XIRP2: variants seen among roughly 807,000 people sequenced by gnomAD.
XIRP2 encodes the protein xin actin-binding repeat-containing protein 2.
In XIRP2, 236 loss-of-function variants were observed where a neutral mutation model predicts 277.0. The ratio of observed to expected loss-of-function variants is 0.85; its 90% CI spans 0.77 to 0.95. The LOEUF (loss-of-function observed/expected upper bound fraction) is 0.95, where lower values mean the gene tolerates loss of function less well. XIRP2 is among the 40% of genes least tolerant of loss of function. The pLI is 0.00. For missense variants in XIRP2, 4,640 were observed against 4,157.5 expected (o/e 1.12, Z -3.19); for synonymous variants, 1,490 against 1,416.5 (o/e 1.05, Z -1.17).
At chr2:167,023,817 C>T (rs1363682163) in intron 2 of XIRP2, among the ~76,000 whole-genome samples, 4 of 152,014 alleles carry the variant, frequency 2.6e-5, no homozygotes, top group African/African-American at 9.7e-5. Context: ...TGATCTATAT[C>T]TCTGTTTTGG....
chr2:167,099,439 G>T (rs2105284284), intron 2 of XIRP2, among the ~76,000 whole-genome samples: 1 of 152,298 alleles, frequency 6.6e-6, no homozygotes. Context: ...ATCTTAACTT[G>T]CTGGGCTCTG....
chr2:166,957,618 G>A (rs1024078639), intron 2 of XIRP2, among the ~76,000 whole-genome samples: 7 of 151,666 alleles, frequency 4.6e-5, no homozygotes, highest in African/African-American at 1.7e-4. Context: ...ACTTTTTAAA[G>A]CAATTATACT....
chr2:167,106,737 A>G (rs1690628689), intron 2 of XIRP2, among the ~76,000 whole-genome samples: 1 of 151,630 alleles, frequency 6.6e-6, no homozygotes, highest in African/African-American at 2.4e-5. Context: ...GCTCTTTTAT[A>G]GGAATTTGTC....
At chr2:167,028,541 C>T (rs188073032) in intron 2 of XIRP2, among the ~76,000 whole-genome samples, 1 of 152,014 alleles carries the variant, frequency 6.6e-6, no homozygotes, top group Non-Finnish European at 1.5e-5. Context: ...GTGACCAAAA[C>T]TTAGATCAAA....
At chr2:167,179,327 T>G (rs576926500) in intron 3 of XIRP2, among the ~76,000 whole-genome samples, 16 of 151,114 alleles carry the variant, frequency 1.1e-4, no homozygotes, top group African/African-American at 3.9e-4. Flanking sequence ...TTTCTTGTTT[T>G]TTTTTTTTTT....
chr2:167,082,697 T>C (rs972848606), intron 2 of XIRP2, among the ~76,000 whole-genome samples: 2 of 152,268 alleles, frequency 1.3e-5, no homozygotes, highest in Admixed American at 6.5e-5. Flanking sequence ...TGATGGCCAC[T>C]GATGAGCATT....
chr2:167,152,335 C>A (rs1246568072), intron 3 of XIRP2, among the ~76,000 whole-genome samples: 1 of 151,088 alleles, frequency 6.6e-6, no homozygotes, highest in Non-Finnish European at 1.5e-5. Context: ...GATTTTGCTG[C>A]CCCCCGCCCC....
At position 167,259,183 on chromosome 2, in the gene XIRP2, T is replaced by A; in HGVS notation, c.*1366T>A. ...TGGATTTAAGGGAATTTGGAAAGGA[T>A]GTTAAACCTTGGCATGTTGAAACAA... On this transcript the variant is annotated 3_prime_UTR_variant, in exon 11 of 11. Coordinates refer to ENST00000409195, the MANE Select transcript of XIRP2 (RefSeq NM_152381.6). 1 of 1,613,490 alleles carries A rather than the reference T, an allele frequency of 6.2e-7. No individual in the cohort carries two copies. Among genetic ancestry groups the A allele is most frequent in the Non-Finnish European group, 8.5e-7 (1 of 1,179,666 alleles).
At chr2:167,130,093 A>G (rs951199664) in intron 2 of XIRP2, among the ~76,000 whole-genome samples, 1 of 151,586 alleles carries the variant, frequency 6.6e-6, no homozygotes, top group Non-Finnish European at 1.5e-5. Context: ...TCTACCCTCC[A>G]CCTCTTCTCC....
intron 2 of XIRP2, among the ~76,000 whole-genome samples, chr2:167,020,855 T>A (rs911553431): frequency 1.3e-5 from 2 of 152,090 alleles, no homozygotes; most frequent in African/African-American, 4.8e-5. Flanking sequence ...AACTTTTTTA[T>A]TATTTCTACA....
chr2:166,893,087 T>C (rs1684149724), intron 1 of XIRP2, among the ~76,000 whole-genome samples: 2 of 151,692 alleles, frequency 1.3e-5, no homozygotes. Context: ...AAAACAGAGA[T>C]GACTGCAGTA....
At chr2:167,161,154 G>A (rs1172557640) in intron 3 of XIRP2, among the ~76,000 whole-genome samples, 2 of 152,190 alleles carry the variant, frequency 1.3e-5, no homozygotes, top group Non-Finnish European at 2.9e-5. Context: ...AGCTTTGCAG[G>A]GTACAGCCTC....
At chr2:166,957,521 T>G (rs2105403193) in intron 2 of XIRP2, among the ~76,000 whole-genome samples, 1 of 151,980 alleles carries the variant, frequency 6.6e-6, no homozygotes, top group Admixed American at 6.6e-5. Flanking sequence ...TCTCTATTTT[T>G]TATGAATGTA....
chr2:167,227,551 T>C (rs1212606788), intron 5 of XIRP2, among the ~76,000 whole-genome samples: 1 of 151,808 alleles, frequency 6.6e-6, no homozygotes, highest in Non-Finnish European at 1.5e-5. Context: ...AGAAAAAATG[T>C]TTTTTAATTA....
At chr2:166,951,947 T>C (rs962443652) in intron 2 of XIRP2, among the ~76,000 whole-genome samples, 6 of 152,064 alleles carry the variant, frequency 3.9e-5, no homozygotes, top group East Asian at 1.9e-4. Context: ...TTCGAACTTT[T>C]ATGCTCTACC....
chr2:167,010,124 A>G (rs1043149217), intron 2 of XIRP2, among the ~76,000 whole-genome samples: 2 of 151,978 alleles, frequency 1.3e-5, no homozygotes, highest in Non-Finnish European at 2.9e-5. Context: ...GGTGTTTTAG[A>G]CATGAAGTCC....
At chr2:167,142,556 T>TA (rs1313468962) in intron 3 of XIRP2, among the ~76,000 whole-genome samples, 8 of 150,060 alleles carry the variant, frequency 5.3e-5, no homozygotes, top group Admixed American at 4.6e-4. Flanking sequence ...CAAAAAATAA[T>TA]AAAAAATAAA....
chr2:166,953,381 T>C (rs186889795), intron 2 of XIRP2, among the ~76,000 whole-genome samples: 1 of 151,994 alleles, frequency 6.6e-6, no homozygotes, highest in East Asian at 1.9e-4. Context: ...GATCTGGTGG[T>C]TTTATAAAAG....
chr2:167,156,519 A>T (rs527799096), intron 3 of XIRP2, among the ~76,000 whole-genome samples: 1 of 152,260 alleles, frequency 6.6e-6, no homozygotes, highest in East Asian at 1.9e-4. Flanking sequence ...ATTTTAAAGT[A>T]TTTCTCTATG....
Sources: gnomAD v4.1 joint callset for allele counts (sites outside exome capture counted in the v4.1 genomes callset) on GRCh38, gnomAD v4.1.1 for gene constraint, MANE v1.5 for transcripts, NCBI Gene and HGNC (gene_info 2026-07-23, HGNC 2026-07-21) for gene names.